Variants in MDGA2 observed in about 807,000 individuals in gnomAD.
MDGA2 encodes MAM domain-containing glycosylphosphatidylinositol anchor protein 2.
In MDGA2, 40 loss-of-function variants were observed where a neutral mutation model predicts 117.8. The observed-to-expected ratio is 0.34, with a 90% CI of 0.26 to 0.44. The LOEUF is 0.44. Ranked by LOEUF, MDGA2 falls within the 20% of genes least tolerant of loss-of-function variation. MDGA2 has a pLI of 1.00. For synonymous variants in MDGA2, 452 were observed against 439.0 expected (o/e 1.03, Z -0.37); for missense variants, 1,123 against 1,250.6 (o/e 0.90, Z 1.54).
chr14:47,060,119 CT>C (rs1416980887), intron 7 of MDGA2, among the ~76,000 whole-genome samples: 4 of 151,766 alleles, frequency 2.6e-5, no homozygotes, highest in Admixed American at 6.6e-5. Flanking sequence ...TTGTCTCTAG[CT>C]TTTTTTTAAG....
chr14:46,979,667 C>T (rs1025499621), intron 8 of MDGA2, among the ~76,000 whole-genome samples: 4 of 152,154 alleles, frequency 2.6e-5, no homozygotes, highest in Non-Finnish European at 4.4e-5. Flanking sequence ...TTAACCCAAA[C>T]CCTAATTTAC....
At chr14:47,561,679 T>G (rs1895819834) in intron 1 of MDGA2, among the ~76,000 whole-genome samples, 1 of 152,160 alleles carries the variant, frequency 6.6e-6, no homozygotes, top group South Asian at 2.1e-4. Flanking sequence ...CAAACAGGAA[T>G]AGTTTGACTT....
intron 3 of MDGA2, among the ~76,000 whole-genome samples, chr14:47,178,953 A>T (rs966747645): frequency 2.0e-5 from 3 of 152,104 alleles, no homozygotes; most frequent in Non-Finnish European, 4.4e-5. Context: ...GGAAACTGCA[A>T]AGAGCTATCC....
chr14:46,901,846 A>T (rs990378849), intron 10 of MDGA2, among the ~76,000 whole-genome samples: 3 of 152,142 alleles, frequency 2.0e-5, no homozygotes, highest in African/African-American at 7.2e-5. Flanking sequence ...CTTAACTGAG[A>T]GCTATGTCCA....
chr14:46,952,882 T>C (rs1395590918), intron 9 of MDGA2, among the ~76,000 whole-genome samples: 3 of 151,876 alleles, frequency 2.0e-5, no homozygotes, highest in African/African-American at 7.2e-5. Flanking sequence ...CTTTGAAGAA[T>C]TATGACAATG....
chr14:47,616,942 G>C (rs1475022751), intron 1 of MDGA2, among the ~76,000 whole-genome samples: 1 of 152,040 alleles, frequency 6.6e-6, no homozygotes, highest in Non-Finnish European at 1.5e-5. Context: ...CTCATATCAA[G>C]TGCTCAAAAA....
chr14:47,430,350 T>C (rs1892774795), intron 1 of MDGA2, among the ~76,000 whole-genome samples: 1 of 152,002 alleles, frequency 6.6e-6, no homozygotes, highest in Admixed American at 6.6e-5. Flanking sequence ...AGCAATTGAG[T>C]AGATAGTGGT....
chr14:46,964,738 C>T (rs1418594305), intron 8 of MDGA2, among the ~76,000 whole-genome samples: 2 of 152,022 alleles, frequency 1.3e-5, no homozygotes, highest in African/African-American at 2.4e-5. Flanking sequence ...CAGTCAAATA[C>T]TAATAAGTTA....
At chr14:47,017,824 T>C (rs1566576561) in intron 8 of MDGA2, among the ~76,000 whole-genome samples, 2 of 152,130 alleles carry the variant, frequency 1.3e-5, no homozygotes, top group South Asian at 2.1e-4. Flanking sequence ...CTAAAACACA[T>C]TGCAAGAAAT....
At chr14:47,142,611 A>C (rs1882770464) in intron 4 of MDGA2, among the ~76,000 whole-genome samples, 1 of 152,240 alleles carries the variant, frequency 6.6e-6, no homozygotes, top group Non-Finnish European at 1.5e-5. Context: ...ATAAATTGAC[A>C]ATAGAAAAAT....
Position 47,316,135 on chromosome 14 carries a change from C to G in MDGA2, c.281-14585G>C, listed in dbSNP as rs143150754. On this transcript the variant is annotated intron_variant, in intron 1 of 16. Transcript: ENST00000399232. ...GGATGATATGGCTTTCTACCTCATA[C>G]TGTTGTAGCACTCATGTTATATAAT... Among the ~76,000 whole-genome samples the G allele has an allele frequency of 4.5e-3, 690 of 152,162 alleles. 1 individual carries two copies. The highest frequency in any genetic ancestry group is 7.3e-3 in the Non-Finnish European group (495 of 67,972).
intron 8 of MDGA2, among the ~76,000 whole-genome samples, chr14:46,981,936 T>C (rs1886686953): frequency 6.6e-6 from 1 of 152,208 alleles, no homozygotes; most frequent in African/African-American, 2.4e-5. Flanking sequence ...ACCAAAAGCA[T>C]ACTGACAGAA....
At chr14:47,033,053 C>T (rs537724772) in intron 8 of MDGA2, among the ~76,000 whole-genome samples, 2 of 152,246 alleles carry the variant, frequency 1.3e-5, no homozygotes, top group African/African-American at 2.4e-5. Context: ...CTGTGTCTAT[C>T]GGTATTTTTT....
At chr14:47,002,704 A>G (rs1887575858) in intron 8 of MDGA2, among the ~76,000 whole-genome samples, 1 of 151,980 alleles carries the variant, frequency 6.6e-6, no homozygotes, top group Non-Finnish European at 1.5e-5. Flanking sequence ...ACTCCAGCCT[A>G]GGCAACAGAG....
intron 1 of MDGA2, among the ~76,000 whole-genome samples, chr14:47,488,571 G>C (rs1894106020): frequency 1.3e-5 from 2 of 152,064 alleles, no homozygotes; most frequent in South Asian, 4.1e-4. Flanking sequence ...AAGAGCAAAT[G>C]AAAAATGAGC....
intron 1 of MDGA2, 146 bp from the exon 2 acceptor site, chr14:47,301,696 A>G (rs1472498808): frequency 2.6e-6 from 2 of 761,142 alleles, no homozygotes; most frequent in Non-Finnish European, 4.1e-6. Flanking sequence ...CACCTCCCCA[A>G]GGCATTAAAG....
At chr14:47,214,263 T>C (rs919055830) in intron 3 of MDGA2, among the ~76,000 whole-genome samples, 1 of 152,114 alleles carries the variant, frequency 6.6e-6, no homozygotes, top group African/African-American at 2.4e-5. Context: ...TTGTAATTGG[T>C]TAGCTTTTGA....
chr14:47,017,690 A>C (rs1888134083), intron 8 of MDGA2, among the ~76,000 whole-genome samples: 1 of 152,144 alleles, frequency 6.6e-6, no homozygotes, highest in Middle Eastern at 3.4e-3. Flanking sequence ...AATTGCCCTC[A>C]TTTATTAGAC....
At chr14:47,078,763 A>G (rs1023896355) in intron 6 of MDGA2, among the ~76,000 whole-genome samples, 14 of 152,180 alleles carry the variant, frequency 9.2e-5, no homozygotes, top group Non-Finnish European at 1.9e-4. Flanking sequence ...ACTATTACTG[A>G]AAAATGATCC....
Sources: allele counts gnomAD v4.1 joint callset (sites outside exome capture counted in the v4.1 genomes callset), GRCh38; gene constraint gnomAD v4.1.1; transcripts MANE v1.5; gene names NCBI Gene and HGNC (gene_info 2026-07-23, HGNC 2026-07-21).